The following USP24 variants were observed in gnomAD, a reference collection of about 807,000 sequenced individuals.
The protein encoded by USP24 is ubiquitin specific peptidase 24.
A neutral mutation model predicts 361.6 loss-of-function variants in USP24; 97 were observed. The observed-to-expected ratio is 0.27, with a 90% confidence interval of 0.23 to 0.32. The LOEUF is 0.32. USP24 is among the 10% of genes least tolerant of loss of function. USP24 has a pLI of 1.00. For synonymous variants in USP24, 1,098 were observed against 1,124.6 expected (o/e 0.98, Z 0.47); for missense variants, 2,353 against 3,165.6 (o/e 0.74, Z 6.16).
chr1:55,083,228 G>T, intron 58 of USP24, 44 bp downstream of exon 58: 1 of 1,584,100 alleles, frequency 6.3e-7, no homozygotes. Flanking sequence ...CAGCGGCTAT[G>T]AAAACCATAG....
chr1:55,196,782 A>G (rs1488939758), intron 1 of USP24, among the ~76,000 whole-genome samples: 1 of 152,314 alleles, frequency 6.6e-6, no homozygotes, highest in East Asian at 1.9e-4. Context: ...TATTCTGACA[A>G]AAAGTTATCG....
At position 55,066,751 on chromosome 1, in the gene USP24, A is replaced by C. The variant is rs924376381; in HGVS notation, c.*2294T>G. The C allele has an allele frequency of 7.9e-5, 12 of 152,206 alleles. No homozygotes were observed. Among genetic ancestry groups the C allele is most frequent in the Non-Finnish European group, 1.8e-4 (12 of 68,024 alleles). The allele number at this position is 152,206 out of a possible 1,614,324, so 9.4% of individuals were successfully genotyped here. A position where few individuals can be genotyped will look rare whatever the true frequency, so the allele number is the denominator to read the frequency against. ...AATCGGCCATCTTAAGATCGGCCTCACTAAGGGAGCTTCTTGAGAACACAC... is the reference window on the plus strand; with the variant it reads ...AATCGGCCATCTTAAGATCGGCCTCCCTAAGGGAGCTTCTTGAGAACACAC... On this transcript the variant is annotated 3_prime_UTR_variant, in exon 68 of 68. Coordinates refer to ENST00000294383, the MANE Select transcript of USP24 (RefSeq NM_015306.3).
intron 42 of USP24, 36 bp downstream of exon 42, chr1:55,103,839 TA>T: frequency 5.7e-6 from 9 of 1,586,846 alleles, no homozygotes; most frequent in Non-Finnish European, 7.7e-6. Context: ...GAGATCATTC[TA>T]AAAAAATTAA....
Position 55,068,743 on chromosome 1 carries a change from G to A in USP24, c.*302C>T. The A allele has an allele frequency of 2.9e-6, 1 of 344,696 alleles. No homozygotes were observed. 21.4% of individuals were successfully genotyped at this position (344,696 alleles called of 1,614,324 possible). Reference sequence around the variant, plus strand: ...TTTATGCTCACTCTTGTATGTTCGTGTAACAAAAAAGTCTGCCACTGGCTC... The same window carrying A: ...TTTATGCTCACTCTTGTATGTTCGTATAACAAAAAAGTCTGCCACTGGCTC... On this transcript the variant is annotated 3_prime_UTR_variant, in exon 68 of 68. Coordinates refer to ENST00000294383, the MANE Select transcript of USP24 (RefSeq NM_015306.3).
chr1:55,191,810 A>G (rs576394442), intron 1 of USP24, among the ~76,000 whole-genome samples: 1 of 152,214 alleles, frequency 6.6e-6, no homozygotes, highest in South Asian at 2.1e-4. Context: ...AATTGTTGCA[A>G]CTGAAGTTTT....
intron 48 of USP24, 110 bp downstream of exon 48, chr1:55,097,488 G>A (rs1411240855): frequency 7.0e-7 from 1 of 1,430,118 alleles, no homozygotes; most frequent in Non-Finnish European, 9.3e-7. Context: ...ATAATGCTGA[G>A]ACAACAGCCT....
At chr1:55,073,951 G>T in intron 63 of USP24, 45 bp from the exon 64 acceptor site, 1 of 1,489,150 alleles carries the variant, frequency 6.7e-7, no homozygotes, top group Non-Finnish European at 9.1e-7. Flanking sequence ...AGACTCAACT[G>T]AAAATGGCTC....
At chr1:55,095,506 T>G (rs1645476559) in intron 50 of USP24, 110 bp from the exon 51 acceptor site, 1 of 1,232,786 alleles carries the variant, frequency 8.1e-7, no homozygotes, top group African/African-American at 1.5e-5. Context: ...ACTCCCTAAG[T>G]TTGTAAAATG....
chr1:55,150,496 G>C (rs149114324), intron 16 of USP24, among the ~76,000 whole-genome samples: 9 of 152,106 alleles, frequency 5.9e-5, no homozygotes, highest in Non-Finnish European at 1.3e-4. Flanking sequence ...CAAAATGACA[G>C]TAATAAAAAC....
chr1:55,070,410 T>C (rs1000585068), intron 67 of USP24, among the ~76,000 whole-genome samples: 2 of 152,066 alleles, frequency 1.3e-5, no homozygotes, highest in East Asian at 1.9e-4. Flanking sequence ...CCAGAAGGGT[T>C]TGAGGAAAAC....
At position 55,137,873 on chromosome 1, in the gene USP24, C is replaced by A; in HGVS notation, c.2960G>T (p.Arg987Leu). Residue 987 changes from arginine to leucine, a missense_variant, in exon 27 of 68, where the codon CGG (arginine) becomes CTG (leucine). Arg to Leu is a moderately radical substitution (Grantham distance 102, BLOSUM62 -2). Around this residue, in one of 8 missense-constraint regions of USP24, gnomAD observed 949 missense variants for 1,280.5 expected, o/e 0.74. Transcript: ENST00000294383. ...GCACAACTGCTTGGCTATTTTCCAC[C>A]GGACACTCCCTATGGTTTCATTACT... ...AHSNETIGSVRWKIAKQLCSP... is the reference protein window; with the variant it reads ...AHSNETIGSVLWKIAKQLCSP... 1.3e-6 allele frequency: 2 copies of A among 1,594,604 alleles called. No homozygotes were observed. Among genetic ancestry groups the A allele is most frequent in the East Asian group, 2.3e-5 (1 of 44,102 alleles).
intron 39 of USP24, among the ~76,000 whole-genome samples, chr1:55,109,401 C>G (rs1371527286): frequency 6.6e-6 from 1 of 152,146 alleles, no homozygotes; most frequent in Non-Finnish European, 1.5e-5. Flanking sequence ...TATGAAATTT[C>G]TTTTAGACTT....
chr1:55,067,805 A>T lies in USP24; in HGVS notation c.*1240T>A, dbSNP rs988667674. 3 of 152,234 alleles carry T rather than the reference A, an allele frequency of 2.0e-5. No homozygotes were observed. Among genetic ancestry groups the T allele is most frequent in the African/African-American group, 7.2e-5 (3 of 41,460 alleles). 9.4% of individuals were successfully genotyped at this position (152,234 alleles called of 1,614,324 possible). A position where few individuals can be genotyped will look rare whatever the true frequency, so the allele number is the denominator to read the frequency against. Reference sequence around the variant, plus strand: ...TCAAAATACAAAATGTACAAAATATATATGAAATATGTGGGTGTAAACCTC... The same window carrying T: ...TCAAAATACAAAATGTACAAAATATTTATGAAATATGTGGGTGTAAACCTC... On this transcript the variant is annotated 3_prime_UTR_variant, in exon 68 of 68. Coordinates refer to ENST00000294383, the MANE Select transcript of USP24 (RefSeq NM_015306.3).
chr1:55,207,113 G>A (rs982120781), intron 1 of USP24, among the ~76,000 whole-genome samples: 6 of 152,058 alleles, frequency 3.9e-5, no homozygotes, highest in Non-Finnish European at 5.9e-5. Flanking sequence ...AGCCAAAATC[G>A]CCTCGCTGCA....
At chr1:55,088,408 G>C (rs1284150634) in intron 55 of USP24, among the ~76,000 whole-genome samples, 1 of 152,166 alleles carries the variant, frequency 6.6e-6, no homozygotes, top group Non-Finnish European at 1.5e-5. Flanking sequence ...AGAAGTGATA[G>C]AAAATTCTAG....
chr1:55,172,436 C>T lies in USP24; in HGVS notation c.643G>A (p.Val215Ile), dbSNP rs1470803367. 1.2e-6 allele frequency: 2 copies of T among 1,613,536 alleles called. No homozygotes were observed. The highest frequency in any genetic ancestry group is 1.1e-5 in the South Asian group (1 of 91,036). Reference sequence around the variant, plus strand: ...GGATCTTGTTTTATTCTCTCTGCGACCAGTTCTATTAATAGCATCAACATG... The same window carrying T: ...GGATCTTGTTTTATTCTCTCTGCGATCAGTTCTATTAATAGCATCAACATG... ...YNMLMLLIEL[V>I]AERIKQDPIP... is the part of the protein sequence containing the mutation. Residue 215 changes from valine (V) to isoleucine (I), a missense_variant, in exon 4 of 68, where the codon GTC (valine) becomes ATC (isoleucine). Val to Ile is a conservative substitution (Grantham distance 29). Around this residue, in one of 8 missense-constraint regions of USP24, gnomAD observed 386 missense variants for 560.5 expected, o/e 0.69. Coordinates refer to ENST00000294383, the MANE Select transcript of USP24 (RefSeq NM_015306.3).
intron 63 of USP24, among the ~76,000 whole-genome samples, chr1:55,074,771 C>T (rs377515847): frequency 3.3e-5 from 5 of 152,164 alleles, no homozygotes; most frequent in Non-Finnish European, 4.4e-5. Flanking sequence ...TAGAGTACAG[C>T]GTTCCAAAGG....
intron 27 of USP24, 33 bp downstream of exon 27, chr1:55,137,769 CATTT>C (rs1646779471): frequency 6.5e-7 from 1 of 1,543,138 alleles, no homozygotes; most frequent in African/African-American, 1.4e-5. Context: ...TATATTATAT[CATTT>C]ATTATTCATC....
chr1:55,206,354 C>T (rs540090517), intron 1 of USP24, among the ~76,000 whole-genome samples: 4 of 152,120 alleles, frequency 2.6e-5, no homozygotes, highest in East Asian at 1.9e-4. Context: ...ACAAGTGTTC[C>T]GTACAGAGAA....
Sources: gnomAD v4.1 joint callset for allele counts (sites outside exome capture counted in the v4.1 genomes callset) on GRCh38, gnomAD v4.1.1 for gene constraint, gnomAD v4.1.1 regional missense constraint, MANE v1.5 for transcripts, NCBI Gene and HGNC (gene_info 2026-07-23, HGNC 2026-07-21) for gene names.